The following MAPK10 variants were observed in gnomAD, a reference collection of about 807,000 sequenced individuals.
MAPK10 encodes the protein mitogen-activated protein kinase 10.
Under a neutral mutation model 59.3 loss-of-function variants are expected in MAPK10, and 25 were observed. That is an observed-to-expected ratio of 0.42 (90% CI 0.31 to 0.59). The LOEUF (loss-of-function observed/expected upper bound fraction) is 0.59. Ranked by LOEUF, MAPK10 falls within the 20% of genes least tolerant of loss-of-function variation. The pLI, the probability that MAPK10 is intolerant of heterozygous loss-of-function variation, is 0.15. For synonymous variants in MAPK10, 190 were observed against 200.5 expected, an observed-to-expected ratio of 0.95 and a Z score of 0.44; for missense variants, 351 against 568.9, an observed-to-expected ratio of 0.62 and a Z score of 3.90.
intron 1 of MAPK10, among the ~76,000 whole-genome samples, chr4:86,559,893 T>C (rs112096118): frequency 0.047 from 7,036 of 149,548 alleles, 218 homozygotes; most frequent in African/African-American, 0.059. Flanking sequence ...GAGCCGAGAT[T>C]GCAACACTGC....
chr4:86,282,864 G>A lies in MAPK10; in HGVS notation c.-7+71666C>T, dbSNP rs568005041. 1.1e-4 allele frequency among the ~76,000 whole-genome samples: 17 copies of A among 152,232 alleles called. No individual in the cohort carries two copies. The East Asian group carries it at 2.1e-3, about 19-fold the overall frequency. ...GAATCAAAGTCTAGGCACATGCTCC[G>A]TGATGTAATTTCCTGCTTATCATTA... On this transcript the variant is annotated intron_variant, in intron 2 of 13. Coordinates refer to ENST00000641462, the MANE Select transcript of MAPK10 (RefSeq NM_138982.4).
intron 2 of MAPK10, among the ~76,000 whole-genome samples, chr4:86,218,226 C>T (rs2035056): frequency 0.28 from 42,736 of 151,836 alleles, 8,380 homozygotes; most frequent in African/African-American, 0.56. Flanking sequence ...TATTTTGAGA[C>T]GGAGTCTCAC....
chr4:86,300,402 T>C (rs1226801326), intron 2 of MAPK10, among the ~76,000 whole-genome samples: 1 of 152,164 alleles, frequency 6.6e-6, no homozygotes, highest in African/African-American at 2.4e-5. Flanking sequence ...AGCCCCATAT[T>C]CATGCATTAA....
At chr4:86,548,258 G>A (rs909297947) in intron 1 of MAPK10, among the ~76,000 whole-genome samples, 8 of 152,014 alleles carry the variant, frequency 5.3e-5, no homozygotes, top group African/African-American at 1.9e-4. Flanking sequence ...ACAAAGGTCC[G>A]CAGTTTCACT....
At position 86,315,550 on chromosome 4, in the gene MAPK10, T is replaced by TA. The variant is rs1250989555; in HGVS notation, c.-7+38979dup. The stretch of plus-strand genomic sequence containing the variant: ...ACCTACTATGTACCTACAAAAAAAT[T>TA]AAAAAATTAAAAAATATTTAAATGC... On this transcript the variant is annotated intron_variant, in intron 2 of 13. Transcript: ENST00000641462. 2.0e-5 allele frequency among the ~76,000 whole-genome samples: 3 copies of TA among 152,076 alleles called. No individual in the cohort carries two copies. In the East Asian group the frequency reaches 5.8e-4, roughly 29 times the overall value.
chr4:86,168,748 C>T (rs2072888486), intron 3 of MAPK10, among the ~76,000 whole-genome samples: 1 of 152,202 alleles, frequency 6.6e-6, no homozygotes, highest in African/African-American at 2.4e-5. Context: ...TGAGAACGGG[C>T]AGACTGCCTC....
chr4:86,487,730 CAAA>C (rs556680512), intron 1 of MAPK10, among the ~76,000 whole-genome samples: 11 of 95,666 alleles, frequency 1.1e-4, no homozygotes, highest in Admixed American at 2.0e-4. Context: ...GACTCTGTCT[CAAA>C]AAAAAAAAAA....
chr4:86,414,059 C>T (rs1210285750), intron 1 of MAPK10, among the ~76,000 whole-genome samples: 3 of 150,224 alleles, frequency 2.0e-5, no homozygotes, highest in Non-Finnish European at 3.0e-5. Context: ...TAAGCGACCC[C>T]GCATAATTTA....
intron 1 of MAPK10, among the ~76,000 whole-genome samples, chr4:86,567,941 A>G (rs981191682): frequency 3.9e-5 from 6 of 152,196 alleles, no homozygotes; most frequent in African/African-American, 1.4e-4. Flanking sequence ...AGGAAGTTCT[A>G]GCTAGAGCAA....
chr4:86,076,150 C>G (rs936054862), intron 9 of MAPK10, among the ~76,000 whole-genome samples: 1 of 152,132 alleles, frequency 6.6e-6, no homozygotes, highest in Non-Finnish European at 1.5e-5. Context: ...GGGAGTGACC[C>G]GATTTTCCAG....
rs528795011 is a variant in MAPK10, at chr4:86,134,875, A to G, written c.236+24423T>C. On this transcript the variant is annotated intron_variant, in intron 4 of 13. Transcript: ENST00000641462. The stretch of plus-strand genomic sequence containing the variant: ...GGGCGAGGCATTGCCTCACTCGGGA[A>G]GTGCAAGGGGTCAGGGAGTTCCCTT... 1.2e-4 allele frequency among the ~76,000 whole-genome samples: 19 copies of G among 152,328 alleles called. No individual in the cohort carries two copies. The South Asian group carries it at 3.7e-3, about 30-fold the overall frequency.
intron 1 of MAPK10, among the ~76,000 whole-genome samples, chr4:86,553,041 T>A (rs188236298): frequency 6.6e-6 from 1 of 152,298 alleles, no homozygotes; most frequent in Middle Eastern, 3.4e-3. Flanking sequence ...CCGGCATCCA[T>A]AAAACCGTGG....
At chr4:86,163,231 G>C (rs934911007) in intron 3 of MAPK10, among the ~76,000 whole-genome samples, 8 of 152,098 alleles carry the variant, frequency 5.3e-5, no homozygotes, top group African/African-American at 1.9e-4. Flanking sequence ...AATATGATGT[G>C]TTAAAGAGCT....
Position 86,214,044 on chromosome 4 carries a change from G to C in MAPK10, c.-6-19637C>G, listed in dbSNP as rs546144202. On this transcript the variant is annotated intron_variant, in intron 2 of 13. Coordinates refer to ENST00000641462, the MANE Select transcript of MAPK10 (RefSeq NM_138982.4). ...GGGATTATATACTATGACCAAGTGA[G>C]ATTTATTGCTAGAATGCAAGGATGG... Among the ~76,000 whole-genome samples, 825 of 152,140 alleles carry C rather than the reference G, an allele frequency of 5.4e-3. 3 individuals are homozygous for C. The highest frequency in any genetic ancestry group is 0.027 in the Middle Eastern group (8 of 294).
intron 2 of MAPK10, among the ~76,000 whole-genome samples, chr4:86,224,635 G>C (rs564508070): frequency 7.9e-5 from 12 of 152,120 alleles, no homozygotes; most frequent in Non-Finnish European, 1.5e-4. Context: ...ATATATTGAC[G>C]ATCAAACACC....
chr4:86,031,627 C>CT, intron 11 of MAPK10, 196 bp from the exon 12 acceptor site: 1 of 503,820 alleles, frequency 2.0e-6, no homozygotes, highest in South Asian at 3.1e-5. Context: ...GCAATATTTG[C>CT]TGCTGACCCA....
intron 4 of MAPK10, among the ~76,000 whole-genome samples, chr4:86,134,973 C>A (rs1449340017): frequency 2.0e-5 from 3 of 152,222 alleles, no homozygotes; most frequent in African/African-American, 7.2e-5. Flanking sequence ...CTGCGCTTTT[C>A]CGACGGGCTT....
intron 1 of MAPK10, among the ~76,000 whole-genome samples, chr4:86,498,127 T>C (rs994741684): frequency 1.3e-5 from 2 of 152,240 alleles, no homozygotes; most frequent in African/African-American, 4.8e-5. Flanking sequence ...GTCAGTGGCC[T>C]TATGCCACAG....
chr4:86,323,675 G>A (rs2095954580), intron 2 of MAPK10, among the ~76,000 whole-genome samples: 1 of 152,160 alleles, frequency 6.6e-6, no homozygotes, highest in African/African-American at 2.4e-5. Flanking sequence ...TGAGGCTTTA[G>A]TGCCTGGAAA....
Sources: allele counts gnomAD v4.1 joint callset (sites outside exome capture counted in the v4.1 genomes callset), GRCh38; gene constraint gnomAD v4.1.1; transcripts MANE v1.5; gene names NCBI Gene and HGNC (gene_info 2026-07-23, HGNC 2026-07-21).